ZNF75D: variants seen among roughly 807,000 people sequenced by gnomAD.
ZNF75D encodes zinc finger protein 75.
A neutral mutation model predicts 33.3 loss-of-function variants in ZNF75D; 33 were observed. The ratio of observed to expected loss-of-function variants is 0.99; its 90% CI spans 0.75 to 1.32. The LOEUF (loss-of-function observed/expected upper bound fraction) is 1.32. Ranked by LOEUF, ZNF75D falls within the 40% of genes most tolerant of loss-of-function variation. The pLI is 0.00. For synonymous variants in ZNF75D, 113 were observed against 130.6 expected (o/e 0.87, Z 0.92); for missense variants, 338 against 367.5 (o/e 0.92, Z 0.66).
chrX:135,271,658 C>A (rs1223885818), intron 1 of ZNF75D, among the ~76,000 whole-genome samples: 1 of 111,918 alleles, frequency 8.9e-6, no homozygotes, highest in Non-Finnish European at 1.9e-5. Flanking sequence ...CTCCTATTCA[C>A]CCCATTGTTG....
intron 1 of ZNF75D, among the ~76,000 whole-genome samples, chrX:135,278,356 G>A (rs909162129): frequency 5.0e-4 from 56 of 112,375 alleles, no homozygotes; most frequent in African/African-American, 1.8e-3. Context: ...AGACTTTGCT[G>A]AAGTTGCTTA....
At position 135,321,745 on chromosome X, in the gene ZNF75D, T is replaced by G. The variant is rs782350759; in HGVS notation, c.-391+20023A>C. Among the ~76,000 whole-genome samples, 15 of 111,900 alleles carry G rather than the reference T, an allele frequency of 1.3e-4. No homozygotes were observed. In the South Asian group the frequency reaches 5.6e-3, roughly 42 times the overall value. On this transcript the variant is annotated intron_variant, in intron 1 of 6. Transcript: ENST00000370766. ...TGGAAAAGGCAAGGGAATATATTCT[T>G]CCCTAGAGCTACCTGTGGGGGTTCA...
rs556093211 is a variant in ZNF75D, at chrX:135,266,110, A to G, written n.828-10333T>C. 3.6e-5 allele frequency among the ~76,000 whole-genome samples: 4 copies of G among 111,767 alleles called. No individual in the cohort carries two copies. The Admixed American group carries it at 3.8e-4, about 11-fold the overall frequency. ...TGAGCCTCATGGTAACCTCAAATCA[A>G]AAAACATATAACACATACACAAAAA... On this transcript the variant is annotated intron_variant and non_coding_transcript_variant, in intron 1 of 3. Coordinates refer to the ZNF75D transcript ENST00000494295.
intron 1 of ZNF75D, among the ~76,000 whole-genome samples, chrX:135,332,275 T>C (rs1159597650): frequency 9.0e-6 from 1 of 111,514 alleles, no homozygotes; most frequent in Admixed American, 9.5e-5. Context: ...AGAAAACAAG[T>C]AGCATAGAAG....
At position 135,294,176 on chromosome X, in the gene ZNF75D, C is replaced by T; in HGVS notation, c.-36G>A. On this transcript the variant is annotated 5_prime_UTR_variant, in exon 3 of 7. It adds an upstream start codon to the 5' untranslated region. Coordinates refer to ENST00000370766, the MANE Select transcript of ZNF75D (RefSeq NM_007131.5). ...AACAGTTTTACTCTTGTATGTGACA[C>T]TGACACCCACCTGGTACCACCTTTG... is the stretch of plus-strand genomic sequence containing the variant. The T allele has an allele frequency of 1.8e-6, 2 of 1,112,309 alleles. No homozygotes were observed. Among genetic ancestry groups the T allele is most frequent in the Non-Finnish European group, 2.4e-6 (2 of 829,325 alleles). 91.7% of individuals were successfully genotyped at this position (1,112,309 alleles called of 1,213,427 possible). A position where few individuals can be genotyped will look rare whatever the true frequency, so the allele number is the denominator to read the frequency against.
At chrX:135,341,548 T>C (rs1311651962) in intron 1 of ZNF75D, among the ~76,000 whole-genome samples, 1 of 111,889 alleles carries the variant, frequency 8.9e-6, no homozygotes, top group Non-Finnish European at 1.9e-5. Context: ...AATGTATAAT[T>C]GGAAGAAAAA....
chrX:135,321,496 C>T (rs1243188531), intron 1 of ZNF75D, among the ~76,000 whole-genome samples: 1 of 111,917 alleles, frequency 8.9e-6, no homozygotes, highest in Admixed American at 9.4e-5. Context: ...GCAAAATCTT[C>T]ATGAAGGCCA....
chrX:135,342,045 C>A lies in ZNF75D; in HGVS notation c.-668G>T, dbSNP rs2148499802. 1 of 112,312 alleles carries A rather than the reference C, an allele frequency of 8.9e-6. No individual in the cohort carries two copies. The highest frequency in any genetic ancestry group is 1.9e-5 in the Non-Finnish European group (1 of 53,258). The allele number at this position is 112,312 out of a possible 1,213,427, so 9.3% of individuals were successfully genotyped here. ...ATCCTACCTCAGGCGTATTGTATAT[C>A]AATTTTCAAGCCCTACATCATAGTT... On this transcript the variant is annotated 5_prime_UTR_variant, in exon 1 of 7. Transcript: ENST00000370766.
Position 135,293,924 on chromosome X carries a change from A to G in ZNF75D, c.217T>C (p.Leu73=), listed in dbSNP as rs181811998. 8.3e-7 allele frequency: 1 copy of G among 1,209,572 alleles called. No individual in the cohort carries two copies. The highest frequency in any genetic ancestry group is 3.0e-5 in the East Asian group (1 of 33,733). ...PLETISQLQK[L]CHQWLRPEIH... ...TCTGGCCTCAGCCACTGATGGCACA[A>G]TTTCTGAAGTTGGCTGATAGTCTCA... is the stretch of plus-strand genomic sequence containing the variant. Residue 73 remains leucine (L), a synonymous_variant, in exon 3 of 7, where the codon TTG becomes CTG. Coordinates refer to ENST00000370766, the MANE Select transcript of ZNF75D (RefSeq NM_007131.5).
At chrX:135,288,552 G>A (rs2083990293) in intron 6 of ZNF75D, among the ~76,000 whole-genome samples, 1 of 112,141 alleles carries the variant, frequency 8.9e-6, no homozygotes, top group Non-Finnish European at 1.9e-5. Context: ...TTGTAGCTAG[G>A]TAATAGTTCA....
At chrX:135,306,950 C>T (rs782187335) in intron 1 of ZNF75D, among the ~76,000 whole-genome samples, 13 of 111,125 alleles carry the variant, frequency 1.2e-4, no homozygotes, top group Non-Finnish European at 1.7e-4. Flanking sequence ...TGGGCTCAAG[C>T]GATCCACCCA....
intron 1 of ZNF75D, among the ~76,000 whole-genome samples, chrX:135,300,746 C>CAAA (rs57422132): frequency 1.2e-5 from 1 of 85,327 alleles, no homozygotes; most frequent in Non-Finnish European, 2.3e-5. Context: ...GACTCCATCT[C>CAAA]AAAAAAAAAA....
intron 1 of ZNF75D, among the ~76,000 whole-genome samples, chrX:135,263,489 G>A (rs1194490042): frequency 2.7e-5 from 3 of 112,842 alleles, no homozygotes; most frequent in East Asian, 5.6e-4. Context: ...AGCTGCCCCT[G>A]CCACTTTGTT....
At chrX:135,329,258 T>G (rs2148492808) in intron 1 of ZNF75D, among the ~76,000 whole-genome samples, 1 of 112,141 alleles carries the variant, frequency 8.9e-6, no homozygotes, top group Admixed American at 9.4e-5. Context: ...TTTTTAGAGA[T>G]ATTTTTCATG....
chrX:135,336,183 C>A (rs1556442353), intron 1 of ZNF75D, among the ~76,000 whole-genome samples: 1 of 111,268 alleles, frequency 9.0e-6, no homozygotes, highest in East Asian at 2.8e-4. Flanking sequence ...GAGTCCCCTA[C>A]CCATTTGTGC....
At chrX:135,280,227 C>T (rs186948550) in intron 1 of ZNF75D, among the ~76,000 whole-genome samples, 6 of 112,137 alleles carry the variant, frequency 5.4e-5, no homozygotes, top group African/African-American at 1.9e-4. Flanking sequence ...GATCCCTTTA[C>T]CATCATGTAA....
downstream of ZNF75D, among the ~76,000 whole-genome samples, chrX:135,283,511 G>A (rs1342766216): frequency 3.6e-5 from 4 of 111,993 alleles, no homozygotes; most frequent in African/African-American, 1.3e-4. Flanking sequence ...AGCAAGGAGA[G>A]CCTTTAAATT....
At chrX:135,269,462 A>C (rs2083874365) in intron 1 of ZNF75D, among the ~76,000 whole-genome samples, 1 of 112,461 alleles carries the variant, frequency 8.9e-6, no homozygotes, top group African/African-American at 3.2e-5. Context: ...ACATTTCTTA[A>C]AACATACAAA....
intron 1 of ZNF75D, among the ~76,000 whole-genome samples, chrX:135,339,068 C>T (rs2084751912): frequency 1.8e-5 from 2 of 110,472 alleles, no homozygotes; most frequent in Admixed American, 1.9e-4. Flanking sequence ...TTCTTCCCCT[C>T]GTCTTCCTCC....
Sources: gnomAD v4.1 joint callset for allele counts (sites outside exome capture counted in the v4.1 genomes callset) on GRCh38, gnomAD v4.1.1 for gene constraint, MANE v1.5 for transcripts, NCBI Gene and HGNC (gene_info 2026-07-23, HGNC 2026-07-21) for gene names.